Variants in ASIC2 observed in about 807,000 individuals in gnomAD.
The protein encoded by ASIC2 is acid-sensing ion channel 2.
In ASIC2, 25 loss-of-function variants were observed where a neutral mutation model predicts 57.3. The ratio of observed to expected loss-of-function variants is 0.44; its 90% confidence interval spans 0.32 to 0.61. The LOEUF (loss-of-function observed/expected upper bound fraction) is 0.61, where lower values mean the gene tolerates loss of function less well. Ranked by LOEUF, ASIC2 falls within the 20% of genes least tolerant of loss-of-function variation. The pLI is 0.06. For synonymous variants in ASIC2, 319 were observed against 307.5 expected (o/e 1.04, Z -0.39); for missense variants, 641 against 738.1 (o/e 0.87, Z 1.52).
intron 1 of ASIC2, among the ~76,000 whole-genome samples, chr17:33,289,189 T>C (rs1037627982): frequency 2.6e-5 from 4 of 152,144 alleles, no homozygotes; most frequent in Non-Finnish European, 5.9e-5. Context: ...CTTTGGGGAA[T>C]GGAGGTAATA....
At position 33,743,568 on chromosome 17, in the gene ASIC2, T is replaced by C. The variant is rs138784613; in HGVS notation, c.555+412410A>G. The stretch of plus-strand genomic sequence containing the variant: ...AGAGTTTGGGTAAAACAGATTTCCC[T>C]CCATAATACAGGTGAGCCTCCTCTG... On this transcript the variant is annotated intron_variant, in intron 1 of 9. Transcript: ENST00000359872. Among the ~76,000 whole-genome samples the C allele has an allele frequency of 1.3e-4, 20 of 152,348 alleles. No homozygotes were observed. The East Asian group carries it at 3.9e-3, about 29-fold the overall frequency.
chr17:33,040,711 G>A (rs2091926286), intron 3 of ASIC2, among the ~76,000 whole-genome samples: 1 of 152,214 alleles, frequency 6.6e-6, no homozygotes, highest in Admixed American at 6.5e-5. Context: ...AACTGCCTTG[G>A]GAACGGAGGC....
intron 3 of ASIC2, among the ~76,000 whole-genome samples, chr17:33,063,472 G>C (rs1466800469): frequency 2.6e-5 from 4 of 152,158 alleles, no homozygotes; most frequent in Non-Finnish European, 4.4e-5. Flanking sequence ...TTTCCTTTAA[G>C]AATGTTGAAT....
intron 1 of ASIC2, among the ~76,000 whole-genome samples, chr17:33,575,260 T>G (rs1024313323): frequency 3.9e-5 from 6 of 152,340 alleles, no homozygotes; most frequent in Admixed American, 2.6e-4. Flanking sequence ...CAAACAGCAC[T>G]GAGTCCCCAG....
chr17:33,893,616 G>T (rs1283568780), intron 1 of ASIC2, among the ~76,000 whole-genome samples: 1 of 152,140 alleles, frequency 6.6e-6, no homozygotes, highest in African/African-American at 2.4e-5. Flanking sequence ...TAGGAGGATG[G>T]AGGTCATGGT....
chr17:33,385,315 G>T (rs1909636542), intron 1 of ASIC2, among the ~76,000 whole-genome samples: 1 of 152,102 alleles, frequency 6.6e-6, no homozygotes, highest in African/African-American at 2.4e-5. Context: ...CTCCCTTTGG[G>T]TTTCACCAGG....
At chr17:33,415,976 C>A (rs1910829786) in intron 1 of ASIC2, among the ~76,000 whole-genome samples, 1 of 152,208 alleles carries the variant, frequency 6.6e-6, no homozygotes, top group Admixed American at 6.5e-5. Flanking sequence ...CGGTGTGAGG[C>A]CAGCTGCAGC....
chr17:33,210,127 T>A (rs1907215377), intron 1 of ASIC2, among the ~76,000 whole-genome samples: 1 of 152,074 alleles, frequency 6.6e-6, no homozygotes. Context: ...GTGGCCACTT[T>A]CCCCACGTCG....
At chr17:33,602,560 A>G (rs778274687) in intron 1 of ASIC2, among the ~76,000 whole-genome samples, 1 of 152,206 alleles carries the variant, frequency 6.6e-6, no homozygotes, top group African/African-American at 2.4e-5. Context: ...TTCATCATAA[A>G]TTACCCAGTC....
At chr17:34,112,649 C>A (rs1355646776) in intron 1 of ASIC2, among the ~76,000 whole-genome samples, 1 of 152,098 alleles carries the variant, frequency 6.6e-6, no homozygotes, top group Non-Finnish European at 1.5e-5. Context: ...TGCAGTGAAG[C>A]CAGCATGTGA....
At chr17:33,631,765 C>A (rs1906179222) in intron 1 of ASIC2, among the ~76,000 whole-genome samples, 1 of 152,150 alleles carries the variant, frequency 6.6e-6, no homozygotes, top group Non-Finnish European at 1.5e-5. Context: ...TGAAAATCTC[C>A]TTCCAGGGTG....
At chr17:34,010,261 C>T (rs1467583396) in intron 1 of ASIC2, among the ~76,000 whole-genome samples, 1 of 152,110 alleles carries the variant, frequency 6.6e-6, no homozygotes, top group Non-Finnish European at 1.5e-5. Context: ...GGGGCTGGAC[C>T]TTTGAGTTCA....
At chr17:33,904,163 C>CAAAAA (rs769795292) in intron 1 of ASIC2, among the ~76,000 whole-genome samples, 101 of 55,690 alleles carry the variant, frequency 1.8e-3, no homozygotes, top group East Asian at 3.3e-3. Context: ...AACTCCGTCT[C>CAAAAA]AAAAAAAAAA....
intron 1 of ASIC2, among the ~76,000 whole-genome samples, chr17:33,914,297 G>A (rs772502591): frequency 6.6e-6 from 1 of 152,228 alleles, no homozygotes; most frequent in African/African-American, 2.4e-5. Context: ...CTGTAGGGTG[G>A]TGACTCTGCA....
At chr17:33,319,604 T>C (rs1273098903) in intron 1 of ASIC2, among the ~76,000 whole-genome samples, 1 of 152,226 alleles carries the variant, frequency 6.6e-6, no homozygotes, top group Non-Finnish European at 1.5e-5. Context: ...TTGGGGTAAA[T>C]GGGGTATTCA....
intron 1 of ASIC2, among the ~76,000 whole-genome samples, chr17:33,844,623 G>C (rs889621338): frequency 6.6e-6 from 1 of 152,124 alleles, no homozygotes. Context: ...GAGAGTAACC[G>C]GTCTTCAAAA....
chr17:33,655,627 T>G (rs1907052741), intron 1 of ASIC2, among the ~76,000 whole-genome samples: 1 of 152,226 alleles, frequency 6.6e-6, no homozygotes, highest in African/African-American at 2.4e-5. Context: ...GCCCTGTCCC[T>G]TAATTACCCT....
At chr17:33,075,675 T>C (rs73275864) in intron 3 of ASIC2, among the ~76,000 whole-genome samples, 3,827 of 152,224 alleles carry the variant, frequency 0.025, 169 homozygotes, top group African/African-American at 0.088. Flanking sequence ...TGGGGGAAAC[T>C]TGGGGGCTCA....
intron 1 of ASIC2, among the ~76,000 whole-genome samples, chr17:33,844,346 C>A (rs1357443122): frequency 1.3e-5 from 2 of 152,138 alleles, no homozygotes; most frequent in Non-Finnish European, 2.9e-5. Context: ...TCCTTGTGAA[C>A]CTGAGATTCT....
Sources: gnomAD v4.1 joint callset for allele counts (sites outside exome capture counted in the v4.1 genomes callset) on GRCh38, gnomAD v4.1.1 for gene constraint, MANE v1.5 for transcripts, NCBI Gene and HGNC (gene_info 2026-07-23, HGNC 2026-07-21) for gene names.